The following CNTNAP5 variants were observed in gnomAD, a reference collection of about 807,000 sequenced individuals.
CNTNAP5 encodes the protein contactin-associated protein-like 5.
Under a neutral mutation model 150.2 loss-of-function variants are expected in CNTNAP5, and 72 were observed. That is an observed-to-expected ratio of 0.48 (90% CI 0.40 to 0.58). The LOEUF (loss-of-function observed/expected upper bound fraction) is 0.58. Among genes scored for constraint, CNTNAP5 ranks in the 20% least tolerant of loss-of-function variants. CNTNAP5 has a pLI of 0.00. For missense variants in CNTNAP5, 1,636 were observed against 1,626.2 expected (o/e 1.01, Z -0.10); for synonymous variants, 672 against 619.8 (o/e 1.08, Z -1.25).
chr2:124,206,575 G>T (rs189716719), intron 1 of CNTNAP5, among the ~76,000 whole-genome samples: 127 of 152,316 alleles, frequency 8.3e-4, no homozygotes, highest in Non-Finnish European at 1.5e-3. Context: ...AGTGGGGGCA[G>T]TTGCATGAAG....
At chr2:124,206,740 A>G (rs1343951589) in intron 1 of CNTNAP5, among the ~76,000 whole-genome samples, 2 of 152,302 alleles carry the variant, frequency 1.3e-5, no homozygotes, top group East Asian at 3.9e-4. Flanking sequence ...CATGCTCACA[A>G]TAAAGTTTGA....
At chr2:124,098,033 A>C (rs182451411) in intron 1 of CNTNAP5, among the ~76,000 whole-genome samples, 18 of 152,288 alleles carry the variant, frequency 1.2e-4, no homozygotes, top group African/African-American at 4.1e-4. Flanking sequence ...GTCTCAAAAA[A>C]AATAAATAAA....
intron 2 of CNTNAP5, among the ~76,000 whole-genome samples, chr2:124,229,744 G>C (rs1341188988): frequency 4.6e-5 from 7 of 152,058 alleles, no homozygotes; most frequent in African/African-American, 1.7e-4. Flanking sequence ...TGCAGGGGTT[G>C]GTGGTATATA....
At chr2:124,874,751 G>A (rs1486075692) in intron 21 of CNTNAP5, among the ~76,000 whole-genome samples, 2 of 151,966 alleles carry the variant, frequency 1.3e-5, no homozygotes, top group Non-Finnish European at 2.9e-5. Context: ...TTATAGTACT[G>A]CCTTTAAACT....
intron 6 of CNTNAP5, among the ~76,000 whole-genome samples, chr2:124,451,075 TATACAC>T (rs1692966196): frequency 1.2e-5 from 1 of 81,810 alleles, no homozygotes; most frequent in African/African-American, 4.8e-5. Context: ...TATATATATA[TATACAC>T]ACACACACAC....
chr2:124,686,692 T>C (rs1191981980), intron 13 of CNTNAP5, among the ~76,000 whole-genome samples: 1 of 151,668 alleles, frequency 6.6e-6, no homozygotes, highest in African/African-American at 2.4e-5. Context: ...ACCTGCGGAG[T>C]TGTGAAAAAT....
chr2:124,903,874 C>T (rs1036470056), intron 22 of CNTNAP5, among the ~76,000 whole-genome samples: 11 of 151,690 alleles, frequency 7.3e-5, no homozygotes, highest in Admixed American at 3.9e-4. Context: ...GCCAACATGG[C>T]GAAACCCCAT....
intron 3 of CNTNAP5, among the ~76,000 whole-genome samples, chr2:124,363,895 C>A (rs1690291847): frequency 6.6e-6 from 1 of 152,062 alleles, no homozygotes; most frequent in African/African-American, 2.4e-5. Context: ...ATACAGAATC[C>A]CATTAATTTT....
intron 22 of CNTNAP5, among the ~76,000 whole-genome samples, chr2:124,903,443 G>A (rs1678456334): frequency 1.3e-5 from 2 of 151,920 alleles, no homozygotes; most frequent in African/African-American, 4.8e-5. Context: ...TAGAGAACAG[G>A]GAGGCAGCAA....
intron 3 of CNTNAP5, among the ~76,000 whole-genome samples, chr2:124,289,603 C>T (rs12614303): frequency 0.45 from 68,985 of 152,006 alleles, 15,794 homozygotes; most frequent in South Asian, 0.54. Flanking sequence ...TTACCACTTA[C>T]GAACATTCAT....
intron 3 of CNTNAP5, among the ~76,000 whole-genome samples, chr2:124,352,731 C>G (rs1363381116): frequency 6.6e-6 from 1 of 152,172 alleles, no homozygotes; most frequent in Non-Finnish European, 1.5e-5. Flanking sequence ...AGTTTAGCTT[C>G]CAGGGCCTGA....
chr2:124,456,514 A>G (rs1419287175), intron 6 of CNTNAP5, among the ~76,000 whole-genome samples: 1 of 152,168 alleles, frequency 6.6e-6, no homozygotes, highest in African/African-American at 2.4e-5. Context: ...TACAAATTCA[A>G]TACACTCCTC....
intron 21 of CNTNAP5, among the ~76,000 whole-genome samples, chr2:124,875,866 G>T (rs774947667): frequency 3.3e-5 from 5 of 151,538 alleles, no homozygotes; most frequent in Non-Finnish European, 5.9e-5. Flanking sequence ...CTGTTTCAAG[G>T]GTGTATCAAA....
intron 3 of CNTNAP5, among the ~76,000 whole-genome samples, chr2:124,378,633 C>T (rs751664979): frequency 2.0e-5 from 3 of 151,882 alleles, no homozygotes; most frequent in Admixed American, 6.6e-5. Context: ...GTTAGGCTTT[C>T]GTGTTTTAAA....
chr2:124,029,771 A>G (rs906197121), intron 1 of CNTNAP5, among the ~76,000 whole-genome samples: 1 of 152,110 alleles, frequency 6.6e-6, no homozygotes, highest in Admixed American at 6.5e-5. Flanking sequence ...GTAATGCGAT[A>G]TCATTTGAAA....
intron 13 of CNTNAP5, among the ~76,000 whole-genome samples, chr2:124,727,371 A>G (rs1680180284): frequency 6.6e-6 from 1 of 151,978 alleles, no homozygotes; most frequent in Non-Finnish European, 1.5e-5. Context: ...GAAAAATACC[A>G]TTAAAATTAT....
rs191372194 is a variant in CNTNAP5 at position 124,090,469 on chromosome 2, G to C, written c.82+64737G>C. Among the ~76,000 whole-genome samples, 5 of 152,234 alleles carry C rather than the reference G, an allele frequency of 3.3e-5. No homozygotes were observed. In the South Asian group the frequency reaches 8.3e-4, roughly 25 times the overall value. Reference sequence around the variant, plus strand: ...TCTATGAGACTCTAATCAATACCAAGTATTTATTGACTAGCTCTTTTATGT... The same window carrying C: ...TCTATGAGACTCTAATCAATACCAACTATTTATTGACTAGCTCTTTTATGT... On this transcript the variant is annotated intron_variant, in intron 1 of 23. Transcript: ENST00000682447.
At chr2:124,295,955 A>G (rs1320361959) in intron 3 of CNTNAP5, among the ~76,000 whole-genome samples, 4 of 152,216 alleles carry the variant, frequency 2.6e-5, no homozygotes, top group Non-Finnish European at 4.4e-5. Flanking sequence ...ATAATAACAA[A>G]AAGTTTTAGA....
intron 6 of CNTNAP5, among the ~76,000 whole-genome samples, chr2:124,459,687 G>A (rs1442936295): frequency 6.7e-6 from 1 of 149,246 alleles, no homozygotes; most frequent in African/African-American, 2.5e-5. Flanking sequence ...GAACCTGGGA[G>A]TTGGAGGTTG....
Sources: allele counts gnomAD v4.1 joint callset (sites outside exome capture counted in the v4.1 genomes callset), GRCh38; gene constraint gnomAD v4.1.1; transcripts MANE v1.5; gene names NCBI Gene and HGNC (gene_info 2026-07-23, HGNC 2026-07-21).